The following ST7 variants were observed in gnomAD, a reference collection of about 807,000 sequenced individuals.
ST7 encodes suppressor of tumorigenicity 7 protein.
A neutral mutation model predicts 78.7 loss-of-function variants in ST7; 28 were observed. The ratio of observed to expected loss-of-function variants is 0.36; its 90% CI spans 0.26 to 0.49. ST7 has a LOEUF of 0.49. Ranked by LOEUF, ST7 falls within the 20% of genes least tolerant of loss-of-function variation. The pLI is 0.99. For synonymous variants in ST7, 247 were observed against 249.6 expected, an observed-to-expected ratio of 0.99 and a Z score of 0.10; for missense variants, 418 against 696.0, an observed-to-expected ratio of 0.60 and a Z score of 4.49.
intron 10 of ST7, among the ~76,000 whole-genome samples, chr7:117,173,018 T>G (rs1239866609): frequency 6.6e-6 from 1 of 152,180 alleles, no homozygotes; most frequent in African/African-American, 2.4e-5. Context: ...AAAAACTGAT[T>G]TATTAGATTC....
intron 14 of ST7, among the ~76,000 whole-genome samples, chr7:117,221,084 G>A (rs549530714): frequency 1.6e-4 from 24 of 152,132 alleles, no homozygotes; most frequent in Non-Finnish European, 3.2e-4. Flanking sequence ...CTGCAGGCCC[G>A]CCCCATCGAC....
chr7:116,989,899 ATG>A (rs956592802), intron 1 of ST7, among the ~76,000 whole-genome samples: 1 of 151,942 alleles, frequency 6.6e-6, no homozygotes, highest in African/African-American at 2.4e-5. Context: ...AACCATATGT[ATG>A]TGTGTGTGTT....
At chr7:117,072,376 C>T (rs1214367663) in intron 1 of ST7, 1 of 151,860 alleles carries the variant, frequency 6.6e-6, no homozygotes, top group African/African-American at 2.4e-5. Context: ...TGGAAAAAAA[C>T]AAACAAACAA....
chr7:117,075,591 A>G (rs1799282751), intron 1 of ST7, among the ~76,000 whole-genome samples: 1 of 152,218 alleles, frequency 6.6e-6, no homozygotes, highest in Non-Finnish European at 1.5e-5. Context: ...TCCACATTGT[A>G]CTTTTTCCTG....
intron 1 of ST7, among the ~76,000 whole-genome samples, chr7:117,071,090 G>A (rs1355523280): frequency 1.3e-5 from 2 of 151,942 alleles, no homozygotes; most frequent in Non-Finnish European, 2.9e-5. Flanking sequence ...GTGGTGGCGG[G>A]CGCCTGTAGT....
intron 1 of ST7, among the ~76,000 whole-genome samples, chr7:117,065,047 A>G (rs1798557083): frequency 6.6e-6 from 1 of 152,178 alleles, no homozygotes; most frequent in Non-Finnish European, 1.5e-5. Context: ...TCACTTTCAC[A>G]TATATTAAGA....
chr7:116,958,825 A>G, intron 1 of ST7: 1 of 361,230 alleles, frequency 2.8e-6, no homozygotes, highest in South Asian at 2.2e-5. Flanking sequence ...TTATTGCTAA[A>G]AAAAAAAATG....
intron 1 of ST7, among the ~76,000 whole-genome samples, chr7:117,075,732 A>G (rs1283176146): frequency 3.3e-5 from 5 of 152,244 alleles, no homozygotes; most frequent in African/African-American, 9.6e-5. Context: ...GGGGATTCCC[A>G]TAAGTCAATA....
At chr7:117,114,356 T>C (rs763162912) in intron 2 of ST7, among the ~76,000 whole-genome samples, 1 of 151,954 alleles carries the variant, frequency 6.6e-6, no homozygotes, top group Non-Finnish European at 1.5e-5. Flanking sequence ...CTGTAACACA[T>C]GCCAACTGCC....
intron 1 of ST7, among the ~76,000 whole-genome samples, chr7:116,969,436 G>A (rs1793304910): frequency 6.6e-6 from 1 of 152,190 alleles, no homozygotes; most frequent in Non-Finnish European, 1.5e-5. Context: ...TTGGGAGGAA[G>A]ACCACAGAGG....
chr7:117,084,761 G>A (rs1366206395), intron 1 of ST7, among the ~76,000 whole-genome samples: 1 of 152,178 alleles, frequency 6.6e-6, no homozygotes, highest in Non-Finnish European at 1.5e-5. Flanking sequence ...GTGGGAGGAA[G>A]TAAAGTTCAA....
intron 1 of ST7, among the ~76,000 whole-genome samples, chr7:117,001,795 C>T (rs772629992): frequency 1.3e-5 from 2 of 151,944 alleles, no homozygotes; most frequent in African/African-American, 2.4e-5. Flanking sequence ...CCTCCAATAC[C>T]ATAGTAATGG....
chr7:117,137,723 G>A (rs1463298215), intron 8 of ST7, among the ~76,000 whole-genome samples: 1 of 151,924 alleles, frequency 6.6e-6, no homozygotes, highest in African/African-American at 2.4e-5. Flanking sequence ...AATTTTTATC[G>A]AGGATTAAGC....
chr7:117,174,411 G>C (rs1454431421), intron 10 of ST7, among the ~76,000 whole-genome samples: 1 of 152,144 alleles, frequency 6.6e-6, no homozygotes, highest in Non-Finnish European at 1.5e-5. Flanking sequence ...CCATTTTGCA[G>C]GTATGGTAAC....
chr7:116,961,358 C>T (rs972790629), intron 1 of ST7, among the ~76,000 whole-genome samples: 2 of 152,070 alleles, frequency 1.3e-5, no homozygotes, highest in Non-Finnish European at 1.5e-5. Flanking sequence ...TGATGAATGT[C>T]AGTGGTAGTT....
chr7:117,028,466 C>T (rs1245701851), intron 1 of ST7, among the ~76,000 whole-genome samples: 1 of 152,118 alleles, frequency 6.6e-6, no homozygotes, highest in Non-Finnish European at 1.5e-5. Context: ...ACTACCTCCT[C>T]CACCTCTGGC....
In ST7 at chr7:117,044,658, GA is replaced by G. The variant is rs1158705567; in HGVS notation, c.152-55098del. Among the ~76,000 whole-genome samples the G allele has an allele frequency of 3.3e-5, 5 of 152,280 alleles. No homozygotes were observed. The South Asian group carries it at 1.0e-3, about 32-fold the overall frequency. ...TTTCATTCAGGGGAAAAGGAATTCAGAAAAAATTTAAAGATGCTTGTGTAAG... is the reference window on the plus strand; with the variant it reads ...TTTCATTCAGGGGAAAAGGAATTCAGAAAAATTTAAAGATGCTTGTGTAAG... On this transcript the variant is annotated intron_variant, in intron 1 of 15. Coordinates refer to ENST00000323984, the MANE Select transcript of ST7 (RefSeq NM_001369598.1).
At chr7:117,155,900 C>T (rs913914855) in intron 9 of ST7, among the ~76,000 whole-genome samples, 1 of 152,270 alleles carries the variant, frequency 6.6e-6, no homozygotes, top group East Asian at 1.9e-4. Context: ...ACCACTCATT[C>T]CCACCTCAGA....
At chr7:117,123,022 G>A (rs1803527329) in intron 3 of ST7, among the ~76,000 whole-genome samples, 1 of 152,122 alleles carries the variant, frequency 6.6e-6, no homozygotes, top group South Asian at 2.1e-4. Context: ...ATAATAAAAT[G>A]ACTATTGCCT....
Sources: allele counts gnomAD v4.1 joint callset (sites outside exome capture counted in the v4.1 genomes callset), GRCh38; gene constraint gnomAD v4.1.1; transcripts MANE v1.5; gene names NCBI Gene and HGNC (gene_info 2026-07-23, HGNC 2026-07-21).